The following XRCC4 variants were observed in gnomAD, a reference collection of about 807,000 sequenced individuals.
The protein encoded by XRCC4 is DNA repair protein XRCC4.
A neutral mutation model predicts 39.1 loss-of-function variants in XRCC4; 28 were observed. That is an observed-to-expected ratio of 0.72 (90% confidence interval 0.53 to 0.98). The LOEUF (loss-of-function observed/expected upper bound fraction) is 0.98, where lower values mean the gene tolerates loss of function less well. Ranked by LOEUF, XRCC4 falls within the 50% of genes least tolerant of loss-of-function variation. The pLI is 0.00. For missense variants in XRCC4, 350 were observed against 376.4 expected (o/e 0.93, Z 0.58); for synonymous variants, 123 against 126.4 (o/e 0.97, Z 0.18).
chr5:83,110,800 G>A (rs1470508906), intron 2 of XRCC4, among the ~76,000 whole-genome samples: 1 of 152,010 alleles, frequency 6.6e-6, no homozygotes, highest in African/African-American at 2.4e-5. Context: ...AGAATGTCAA[G>A]GGTTTAATGT....
chr5:83,253,386 A>G (rs919624413), intron 6 of XRCC4, among the ~76,000 whole-genome samples: 2 of 151,844 alleles, frequency 1.3e-5, no homozygotes, highest in Non-Finnish European at 1.5e-5. Context: ...CAAACAGTAC[A>G]CATTTTTTTT....
intron 7 of XRCC4, among the ~76,000 whole-genome samples, chr5:83,315,461 C>T (rs1755847093): frequency 2.0e-5 from 3 of 152,144 alleles, no homozygotes; most frequent in African/African-American, 7.2e-5. Flanking sequence ...ACAAAACAGC[C>T]TTCTTTTGGA....
intron 6 of XRCC4, among the ~76,000 whole-genome samples, chr5:83,248,794 A>G (rs558525732): frequency 1.6e-4 from 25 of 152,338 alleles, no homozygotes; most frequent in Middle Eastern, 6.8e-3. Context: ...TTGAGTATAA[A>G]TAACCAAAGG....
chr5:83,262,078 T>C (rs971157918), intron 7 of XRCC4, among the ~76,000 whole-genome samples: 1 of 152,130 alleles, frequency 6.6e-6, no homozygotes, highest in African/African-American at 2.4e-5. Context: ...GAGAGAGAGA[T>C]ATAAAAATAA....
At chr5:83,161,645 G>A (rs1018588661) in intron 3 of XRCC4, among the ~76,000 whole-genome samples, 38 of 152,140 alleles carry the variant, frequency 2.5e-4, no homozygotes, top group African/African-American at 7.5e-4. Flanking sequence ...AGAATTAGTT[G>A]CTAATAGAGG....
intron 6 of XRCC4, among the ~76,000 whole-genome samples, chr5:83,236,294 C>T (rs1257834958): frequency 6.6e-6 from 1 of 152,022 alleles, no homozygotes; most frequent in Non-Finnish European, 1.5e-5. Context: ...TTGAAGGCAA[C>T]ACATAACCTT....
intron 2 of XRCC4, 45 bp from the exon 3 acceptor site, chr5:83,110,983 G>C: frequency 6.5e-7 from 1 of 1,543,628 alleles, no homozygotes; most frequent in Non-Finnish European, 8.8e-7. Flanking sequence ...CTCATGTGTA[G>C]TCATTTACTT....
At chr5:83,364,826 C>T in the XRCC4 span, among the ~76,000 whole-genome samples, 3 of 152,206 alleles carry the variant, frequency 2.0e-5, no homozygotes, top group South Asian at 6.2e-4. Flanking sequence ...TTGATAAAAG[C>T]ATTCATGTGC....
intron 1 of XRCC4, among the ~76,000 whole-genome samples, chr5:83,078,496 C>CA (rs1744783545): frequency 1.3e-5 from 2 of 152,282 alleles, no homozygotes; most frequent in African/African-American, 2.4e-5. Flanking sequence ...GAAGGTAACT[C>CA]ACGTGAGATT....
intron 7 of XRCC4, among the ~76,000 whole-genome samples, chr5:83,304,063 T>C (rs1755390727): frequency 6.6e-6 from 1 of 152,080 alleles, no homozygotes; most frequent in Admixed American, 6.6e-5. Context: ...TTTAATAATC[T>C]AGTATTTTGG....
chr5:83,369,512 T>C, the XRCC4 span, among the ~76,000 whole-genome samples: 3 of 152,250 alleles, frequency 2.0e-5, no homozygotes, highest in Non-Finnish European at 2.9e-5. Flanking sequence ...TTTGGTTTTC[T>C]GTTTCTGCAT....
chr5:83,255,921 A>T (rs988289057), intron 6 of XRCC4, among the ~76,000 whole-genome samples: 2 of 152,186 alleles, frequency 1.3e-5, no homozygotes, highest in African/African-American at 4.8e-5. Flanking sequence ...AATAGGCCTC[A>T]TGGGATTTTT....
chr5:83,221,721 G>C (rs1302928980), intron 6 of XRCC4, among the ~76,000 whole-genome samples: 1 of 151,754 alleles, frequency 6.6e-6, no homozygotes, highest in African/African-American at 2.4e-5. Context: ...CTAGATTAAA[G>C]GGCTTGTGTT....
intron 7 of XRCC4, among the ~76,000 whole-genome samples, chr5:83,325,329 G>T (rs1168934140): frequency 6.6e-6 from 1 of 151,828 alleles, no homozygotes; most frequent in Non-Finnish European, 1.5e-5. Context: ...TAAGTTCAGG[G>T]GTACATGTGC....
At chr5:83,332,127 G>A (rs1282259813) in intron 7 of XRCC4, among the ~76,000 whole-genome samples, 1 of 151,920 alleles carries the variant, frequency 6.6e-6, no homozygotes. Flanking sequence ...TAAAGTCCCA[G>A]TTGCACAGAT....
At chr5:83,355,798 G>A (rs565083398), downstream of XRCC4, among the ~76,000 whole-genome samples, 519 of 152,076 alleles carry the variant, frequency 3.4e-3, 3 homozygotes, top group Non-Finnish European at 3.1e-3. Flanking sequence ...CACCACACCC[G>A]GCTAATTTTT....
Position 83,104,892 on chromosome 5 carries a change from T to C in XRCC4, c.-10-18T>C. The stretch of plus-strand genomic sequence containing the variant: ...TACAGTTTCTTTTAAAAATATTAAT[T>C]GTATTCTCCCATTACAGGTATTAAG... On this transcript the variant is annotated intron_variant, in intron 1 of 7. Transcript: ENST00000396027. 1 of 1,605,432 alleles carries C rather than the reference T, an allele frequency of 6.2e-7. No homozygotes were observed. Among genetic ancestry groups the C allele is most frequent in the Non-Finnish European group, 8.5e-7 (1 of 1,173,810 alleles).
chr5:83,114,298 T>C (rs904133906), intron 3 of XRCC4, among the ~76,000 whole-genome samples: 2 of 152,188 alleles, frequency 1.3e-5, no homozygotes, highest in African/African-American at 4.8e-5. Flanking sequence ...TATGCAAATT[T>C]ATGCAGCAGG....
intron 7 of XRCC4, chr5:83,310,888 G>C (rs1367354271): frequency 6.6e-6 from 3 of 455,850 alleles, no homozygotes; most frequent in African/African-American, 6.0e-5. Context: ...GGAGGAACGT[G>C]AGCCAACAGA....
Sources: gnomAD v4.1 joint callset for allele counts (sites outside exome capture counted in the v4.1 genomes callset) on GRCh38, gnomAD v4.1.1 for gene constraint, MANE v1.5 for transcripts, NCBI Gene and HGNC (gene_info 2026-07-23, HGNC 2026-07-21) for gene names.